Variants in COL6A3 observed in about 807,000 individuals in gnomAD.
COL6A3 encodes the protein collagen type VI alpha 3 chain, also known as collagen alpha-3(VI) chain.
COL6A3 carries 137 observed loss-of-function variants against 274.1 expected under a neutral mutation model. The ratio of observed to expected loss-of-function variants is 0.50; its 90% CI spans 0.44 to 0.58. COL6A3 has a LOEUF of 0.58. COL6A3 is among the 20% of genes least tolerant of loss of function. The pLI is 0.00. For synonymous variants in COL6A3, 1,650 were observed against 1,650.6 expected (o/e 1.00, Z 0.01); for missense variants, 3,950 against 4,124.9 (o/e 0.96, Z 1.16).
chr2:237,378,863 T>C lies in COL6A3; in HGVS notation c.2270A>G (p.Asp757Gly), dbSNP rs769363327. The change falls in exon 6 of 44, where the codon GAC (aspartate) becomes GGC (glycine). Residue 757 changes from aspartate (D) to glycine (G), a missense_variant. Asp to Gly is a moderately conservative substitution (Grantham distance 94). Transcript: ENST00000295550. ...GGCGTTGGCAGCTTGCAAATAGGAGTCCTCAGACTGCCCAGCTGTGAGCAG... is the reference window on the plus strand; with the variant it reads ...GGCGTTGGCAGCTTGCAAATAGGAGCCCTCAGACTGCCCAGCTGTGAGCAG... Reference protein sequence around the residue: ...LLLLTAGQSEDSYLQAANALT... With the variant: ...LLLLTAGQSEGSYLQAANALT... 1 of 1,614,046 alleles carries C rather than the reference T, an allele frequency of 6.2e-7. No individual in the cohort carries two copies. The highest frequency in any genetic ancestry group is 8.5e-7 in the Non-Finnish European group (1 of 1,179,992).
intron 10 of COL6A3, among the ~76,000 whole-genome samples, chr2:237,367,895 A>G (rs1230657517): frequency 6.6e-6 from 1 of 152,200 alleles, no homozygotes; most frequent in Non-Finnish European, 1.5e-5. Context: ...AGAAAGGATG[A>G]GAGACAGTGT....
In COL6A3 at chr2:237,344,407, C is replaced by A. The variant is rs145868338; in HGVS notation, c.7611G>T (p.Gly2537=). ...GCCTTGTAAGGAACAAGGGGGTGAT[C>A]CCCGCATCTGAGAGCTTGAGCACAG... ...REAVLKLSDA[G]ITPLFLTRQE... The change falls in exon 36 of 44, where the codon GGG becomes GGT. Residue 2537 remains glycine, a synonymous_variant. Coordinates refer to ENST00000295550, the MANE Select transcript of COL6A3 (RefSeq NM_004369.4). This position sits in a 1 kb window ranked among gnomAD's most constrained non-coding sequence, Gnocchi z 4.8. 142 of 1,614,054 alleles carry A rather than the reference C, an allele frequency of 8.8e-5. No homozygotes were observed. Among genetic ancestry groups the A allele is most frequent in the Non-Finnish European group, 9.9e-5 (117 of 1,180,008 alleles).
chr2:237,405,825 G>A (rs919097891), intron 1 of COL6A3, among the ~76,000 whole-genome samples: 3 of 151,998 alleles, frequency 2.0e-5, no homozygotes, highest in Non-Finnish European at 2.9e-5. Flanking sequence ...GACTTCCTTG[G>A]TGGTGACACA....
At chr2:237,395,228 G>T (rs2078406695) in intron 2 of COL6A3, 24 bp from the exon 3 acceptor site, 1 of 1,611,860 alleles carries the variant, frequency 6.2e-7, no homozygotes, top group South Asian at 1.1e-5. Context: ...CATTGGTTTA[G>T]ATTTTTCTAC....
In COL6A3 at chr2:237,372,125, C is replaced by T. The variant is rs770250670; in HGVS notation, c.3892G>A (p.Ala1298Thr). 1.7e-5 allele frequency: 28 copies of T among 1,613,988 alleles called. No individual in the cohort carries two copies. The highest frequency in any genetic ancestry group is 8.9e-5 in the East Asian group (4 of 44,874). Residue 1298 changes from alanine (A) to threonine (T), a missense_variant, in exon 9 of 44, where the codon GCG becomes ACG. By Grantham distance (58) the Ala-to-Thr change is moderately conservative (BLOSUM62 0). Coordinates refer to ENST00000295550, the MANE Select transcript of COL6A3 (RefSeq NM_004369.4). ...AHSSKDEVQN[A>T]VQRLRPKGGR... ...CCCTTGGGCCTCAGCCGCTGCACCGCGTTCTGCACTTCATCCTTGCTGGAA... is the reference window on the plus strand; with the variant it reads ...CCCTTGGGCCTCAGCCGCTGCACCGTGTTCTGCACTTCATCCTTGCTGGAA...
chr2:237,341,913 T>C (rs1171972237), intron 37 of COL6A3, 152 bp downstream of exon 37: 33 of 690,240 alleles, frequency 4.8e-5, no homozygotes, highest in Non-Finnish European at 5.2e-6. Context: ...TAGAAACTGC[T>C]GCAGTAGTAT....
intron 42 of COL6A3, among the ~76,000 whole-genome samples, chr2:237,332,070 CATATATATATAT>C (rs58082340): frequency 0.025 from 871 of 35,142 alleles, 79 homozygotes; most frequent in Admixed American, 0.062. Flanking sequence ...TCTCTCTCTA[CATATATATATAT>C]ATATATATAT....
intron 42 of COL6A3, among the ~76,000 whole-genome samples, chr2:237,332,661 A>T (rs1700322087): frequency 2.6e-5 from 4 of 152,260 alleles, no homozygotes. Context: ...CTTCAGGTGT[A>T]TAAAACAGTA....
chr2:237,336,780 A>AT (rs2106315065), intron 39 of COL6A3, among the ~76,000 whole-genome samples: 2 of 152,360 alleles, frequency 1.3e-5, no homozygotes, highest in East Asian at 3.8e-4. Flanking sequence ...CTACAAAAAC[A>AT]TCTTTCAATT....
chr2:237,344,512 C>T lies in COL6A3; in HGVS notation c.7506G>A (p.Val2502=). 1 of 1,614,194 alleles carries T rather than the reference C, an allele frequency of 6.2e-7. No individual in the cohort carries two copies. Among genetic ancestry groups the T allele is most frequent in the Non-Finnish European group, 8.5e-7 (1 of 1,180,042 alleles). The change falls in exon 36 of 44, where the codon GTG becomes GTA. Residue 2502 remains valine, a synonymous_variant. Coordinates refer to ENST00000295550, the MANE Select transcript of COL6A3 (RefSeq NM_004369.4). The surrounding 1 kb of genome is among the most constrained non-coding windows in gnomAD (Gnocchi z 4.8). ...SFVARNTFKR[V]RNGFLMRKVA... is the part of the protein sequence containing the mutation. ...CTTTCCTCATTAGGAATCCGTTCCT[C>T]ACACGCTTAAATGTGTTCCTGGCCA...
At position 237,378,889 on chromosome 2, in the gene COL6A3, A is replaced by G; in HGVS notation, c.2244T>C (p.Leu748=). 1 of 1,614,244 alleles carries G rather than the reference A, an allele frequency of 6.2e-7. No individual in the cohort carries two copies. Among genetic ancestry groups the G allele is most frequent in the Non-Finnish European group, 8.5e-7 (1 of 1,180,034 alleles). The change falls in exon 6 of 44, where the codon CTT becomes CTC. Residue 748 remains leucine (L), a synonymous_variant. Coordinates refer to ENST00000295550, the MANE Select transcript of COL6A3 (RefSeq NM_004369.4). The stretch of plus-strand genomic sequence containing the variant: ...CCTCAGACTGCCCAGCTGTGAGCAG[A>G]AGCAGGAGCTGCGGCACGTGTTCAC... ...RIREHVPQLL[L]LLTAGQSEDS... is the part of the protein sequence containing the mutation.
intron 23 of COL6A3, 69 bp downstream of exon 23, chr2:237,357,269 G>A: frequency 7.5e-7 from 1 of 1,338,792 alleles, no homozygotes; most frequent in East Asian, 2.3e-5. Flanking sequence ...CATGCACCAG[G>A]TCATGTTGGG....
chr2:237,385,317 A>G (rs558881479), intron 4 of COL6A3, among the ~76,000 whole-genome samples: 2 of 152,364 alleles, frequency 1.3e-5, no homozygotes, highest in East Asian at 3.9e-4. Context: ...TTGAATATTT[A>G]CAAGTTAATC....
chr2:237,333,266 A>C (rs905422574), intron 42 of COL6A3, 184 bp downstream of exon 42: 7 of 656,602 alleles, frequency 1.1e-5, no homozygotes, highest in Non-Finnish European at 1.6e-5. Flanking sequence ...CAGGTAAAGT[A>C]AGACTCCATT....
intron 29 of COL6A3, 74 bp downstream of exon 29, chr2:237,348,539 C>T (rs2077142383): frequency 1.4e-6 from 2 of 1,475,140 alleles, no homozygotes; most frequent in African/African-American, 1.4e-5. Context: ...TCTTTTAAAA[C>T]ACAACACATC....
rs1199849362 is a variant in COL6A3, at chr2:237,334,269, C to G, written c.9229+357G>C. ...GCTGGTGTTTTCCTGAACATGGAAACCTGGACGGGGTGGTGGGCAACCAGG... is the reference window on the plus strand; with the variant it reads ...GCTGGTGTTTTCCTGAACATGGAAAGCTGGACGGGGTGGTGGGCAACCAGG... On this transcript the variant is annotated intron_variant, in intron 41 of 43. Coordinates refer to ENST00000295550, the MANE Select transcript of COL6A3 (RefSeq NM_004369.4). 2.0e-5 allele frequency among the ~76,000 whole-genome samples: 3 copies of G among 152,180 alleles called. No individual in the cohort carries two copies. The East Asian group carries it at 5.8e-4, about 29-fold the overall frequency.
intron 2 of COL6A3, among the ~76,000 whole-genome samples, chr2:237,396,180 C>T (rs1259272295): frequency 6.6e-6 from 1 of 152,224 alleles, no homozygotes; most frequent in African/African-American, 2.4e-5. Context: ...TCCCACTTTT[C>T]TAAAACTCTG....
At chr2:237,367,708 G>A (rs2077586735) in intron 10 of COL6A3, among the ~76,000 whole-genome samples, 1 of 152,236 alleles carries the variant, frequency 6.6e-6, no homozygotes, top group Non-Finnish European at 1.5e-5. Context: ...TGGAAGTGAA[G>A]AGATGTGTGT....
chr2:237,395,049 A>T lies in COL6A3; in HGVS notation c.247T>A (p.Phe83Ile). The change falls in exon 3 of 44, where the codon TTC becomes ATC. Residue 83 changes from phenylalanine (F) to isoleucine (I), a missense_variant. Coordinates refer to ENST00000295550, the MANE Select transcript of COL6A3 (RefSeq NM_004369.4). The stretch of plus-strand genomic sequence containing the variant: ...AACTCGGTATGTGGGTTTCCGTTGA[A>T]CTGGACCAGAGCAAAATGGAAATCA... Reference protein sequence around the residue: ...ENDFHFALVQFNGNPHTEFLL... With the variant: ...ENDFHFALVQINGNPHTEFLL... 6.2e-7 allele frequency: 1 copy of T among 1,614,144 alleles called. No homozygotes were observed.
Sources: gnomAD v4.1 joint callset for allele counts (sites outside exome capture counted in the v4.1 genomes callset) on GRCh38, gnomAD v4.1.1 for gene constraint, Gnocchi (gnomAD v3.1) non-coding constraint, MANE v1.5 for transcripts, NCBI Gene and HGNC (gene_info 2026-07-23, HGNC 2026-07-21) for gene names.